C8B: variants seen among roughly 807,000 people sequenced by gnomAD.
C8B encodes complement C8 beta chain, also known as complement component C8 beta chain.
C8B carries 67 observed loss-of-function variants against 64.6 expected under a neutral mutation model. The ratio of observed to expected loss-of-function variants is 1.04; its 90% CI spans 0.85 to 1.27. C8B has a LOEUF of 1.27. C8B is among the 50% of genes most tolerant of loss of function. The pLI is 0.00. For missense variants in C8B, 790 were observed against 725.2 expected (o/e 1.09, Z -1.03); for synonymous variants, 284 against 257.7 (o/e 1.10, Z -0.98).
chr1:56,954,888 G>A, intron 3 of C8B, 61 bp from the exon 4 acceptor site: 1 of 1,603,262 alleles, frequency 6.2e-7, no homozygotes, highest in South Asian at 1.1e-5. Flanking sequence ...AACTAACATA[G>A]TATAAGCACC....
chr1:56,954,601 A>C (rs1645074617), intron 4 of C8B, 85 bp downstream of exon 4: 1 of 1,541,602 alleles, frequency 6.5e-7, no homozygotes, highest in Non-Finnish European at 9.0e-7. Flanking sequence ...ACCTCTGTTT[A>C]TATCAGTTCT....
Position 56,960,720 on chromosome 1 carries a change from A to T in C8B, c.93-544T>A, listed in dbSNP as rs856844. Reference sequence around the variant, plus strand: ...ATGAGATGCTTCTCATGTGGAATGGATAGAAAGTGATGGTGGATGGTGGAG... The same window carrying T: ...ATGAGATGCTTCTCATGTGGAATGGTTAGAAAGTGATGGTGGATGGTGGAG... On this transcript the variant is annotated intron_variant, in intron 1 of 11. Transcript: ENST00000371237. Among the ~76,000 whole-genome samples the T allele has an allele frequency of 7.4e-3, 1,128 of 152,322 alleles. 17 individuals carry two copies. Among genetic ancestry groups the T allele is most frequent in the African/African-American group, 0.026 (1,064 of 41,560 alleles).
intron 6 of C8B, among the ~76,000 whole-genome samples, chr1:56,947,951 CA>C (rs111946651): frequency 0.33 from 29,440 of 90,174 alleles, 3,145 homozygotes; most frequent in Non-Finnish European, 0.36. Context: ...CAAAACAAAA[CA>C]AAACAAACAA....
Position 56,952,037 on chromosome 1 carries a change from C to T in C8B, c.666+11G>A. 6.2e-7 allele frequency: 1 copy of T among 1,613,756 alleles called. No homozygotes were observed. The highest frequency in any genetic ancestry group is 1.1e-5 in the South Asian group (1 of 91,066). ...TGGGGCTCCCTCCACTGCTACCTGG[C>T]TGTCTCTTACCTGTGGCGTGTAGCT... On this transcript the variant is annotated intron_variant, in intron 5 of 11. Coordinates refer to ENST00000371237, the MANE Select transcript of C8B (RefSeq NM_000066.4).
At chr1:56,952,205 G>A (rs758410802) in intron 4 of C8B, 25 bp from the exon 5 acceptor site, 89 of 1,613,534 alleles carry the variant, frequency 5.5e-5, no homozygotes, top group Non-Finnish European at 7.4e-5. Context: ...CAGAGATGGC[G>A]AAGAGGTTAA....
At chr1:56,932,848 G>A (rs147851117) in intron 10 of C8B, among the ~76,000 whole-genome samples, 29 of 152,202 alleles carry the variant, frequency 1.9e-4, no homozygotes, top group Non-Finnish European at 4.0e-4. Flanking sequence ...TTTGTGTGCT[G>A]GGCTGGCCTC....
chr1:56,951,299 TC>T (rs1374074423), intron 5 of C8B, among the ~76,000 whole-genome samples: 2 of 151,926 alleles, frequency 1.3e-5, no homozygotes, highest in African/African-American at 4.8e-5. Context: ...TCTAGTCTCG[TC>T]CCCCAGTTTC....
intron 4 of C8B, 138 bp downstream of exon 4, chr1:56,954,548 G>A (rs1243511809): frequency 8.6e-5 from 101 of 1,177,472 alleles, no homozygotes; most frequent in Non-Finnish European, 1.2e-4. Context: ...GCAACCGGAA[G>A]TGTTACTTAC....
In C8B at chr1:56,949,596, C is replaced by T. The variant is rs756647598; in HGVS notation, c.823G>A (p.Gly275Ser). Reference protein sequence around the residue: ...ELGISSQSDRGKHYIRRTKRF... With the variant: ...ELGISSQSDRSKHYIRRTKRF... ...TTGGTTCTCCTAATATAGTGTTTGC[C>T]TCGATCACTTTGACTACTGATGCCA... The change falls in exon 6 of 12, where the codon GGC (glycine) becomes AGC (serine). Residue 275 changes from glycine (G) to serine (S), a missense_variant. By Grantham distance (56) the Gly-to-Ser change is moderately conservative. Transcript: ENST00000371237. The T allele has an allele frequency of 7.4e-6, 12 of 1,613,926 alleles. No homozygotes were observed. The East Asian group carries it at 2.2e-4, about 30-fold the overall frequency.
chr1:56,939,974 A>T (rs1298099067), intron 9 of C8B, among the ~76,000 whole-genome samples: 2 of 151,886 alleles, frequency 1.3e-5, no homozygotes, highest in African/African-American at 4.8e-5. Flanking sequence ...GGTGCTCAAG[A>T]CATGTTAGTT....
chr1:56,944,647 G>A (rs894428876), intron 7 of C8B, among the ~76,000 whole-genome samples: 12 of 152,240 alleles, frequency 7.9e-5, no homozygotes, highest in Non-Finnish European at 1.3e-4. Context: ...AACTTTGAGA[G>A]TGGAATCTAT....
chr1:56,961,538 T>A (rs2101468419), intron 1 of C8B, among the ~76,000 whole-genome samples: 1 of 152,242 alleles, frequency 6.6e-6, no homozygotes, highest in East Asian at 1.9e-4. Context: ...ACGGGTTTTG[T>A]CCGTTGCCCC....
At position 56,929,552 on chromosome 1, in the gene C8B, G is replaced by T. The variant is rs746509547; in HGVS notation, c.1628C>A (p.Pro543His). 5 of 1,613,644 alleles carry T rather than the reference G, an allele frequency of 3.1e-6. No individual in the cohort carries two copies. In the Admixed American group the frequency reaches 8.3e-5, roughly 27 times the overall value. ...ACEVSYRKNT[P>H]IDGKWNCWSN... ...CCAGCAATTCCACTTCCCATCAATG[G>T]GGGTATCTATAAGAAAGAAGGTCAA... The change falls in exon 12 of 12, where the codon CCC becomes CAC. Residue 543 changes from proline to histidine, a missense_variant. By Grantham distance (77) the Pro-to-His change is moderately conservative. Transcript: ENST00000371237.
In C8B at chr1:56,929,329, G is replaced by T; in HGVS notation, c.*75C>A. On this transcript the variant is annotated 3_prime_UTR_variant, in exon 12 of 12. Coordinates refer to ENST00000371237, the MANE Select transcript of C8B (RefSeq NM_000066.4). ...TTGCATGAACTCCAGGTGGAAACTG[G>T]TGTAGGGCTGAGCTGGCATGAGTTC... The T allele has an allele frequency of 6.6e-7, 1 of 1,512,744 alleles. No homozygotes were observed. The highest frequency in any genetic ancestry group is 9.2e-7 in the Non-Finnish European group (1 of 1,089,484). The allele number at this position is 1,512,744 out of a possible 1,614,324, so 93.7% of individuals were successfully genotyped here.
intron 4 of C8B, among the ~76,000 whole-genome samples, chr1:56,954,201 A>G (rs1432741985): frequency 6.6e-6 from 1 of 152,156 alleles, no homozygotes; most frequent in Non-Finnish European, 1.5e-5. Context: ...ACCAACTCAG[A>G]GATCCCCAAA....
Position 56,929,356 on chromosome 1 carries a change from T to G in C8B, c.*48A>C. The G allele has an allele frequency of 6.2e-7, 1 of 1,606,938 alleles. No homozygotes were observed. Among genetic ancestry groups the G allele is most frequent in the Non-Finnish European group, 8.5e-7 (1 of 1,175,262 alleles). On this transcript the variant is annotated 3_prime_UTR_variant, in exon 12 of 12. Coordinates refer to ENST00000371237, the MANE Select transcript of C8B (RefSeq NM_000066.4). ...GTAGGGCTGAGCTGGCATGAGTTCT[T>G]GAGGGCTCAGGGCTCTCATTGTATG... is the stretch of plus-strand genomic sequence containing the variant.
At chr1:56,960,654 C>A (rs1191362551) in intron 1 of C8B, among the ~76,000 whole-genome samples, 1 of 152,194 alleles carries the variant, frequency 6.6e-6, no homozygotes, top group Non-Finnish European at 1.5e-5. Flanking sequence ...AAGCCTGAAT[C>A]ATGGCAATGG....
At chr1:56,959,799 G>T in intron 2 of C8B, 1 of 735,180 alleles carries the variant, frequency 1.4e-6, no homozygotes, top group South Asian at 1.8e-5. Flanking sequence ...TAGGAAGCTA[G>T]TAGAGTGAGA....
intron 7 of C8B, among the ~76,000 whole-genome samples, chr1:56,945,099 A>C (rs1208561251): frequency 6.6e-6 from 1 of 152,194 alleles, no homozygotes; most frequent in African/African-American, 2.4e-5. Flanking sequence ...GGGTCACTCC[A>C]AAGCTTGTTA....
Sources: gnomAD v4.1 joint callset for allele counts (sites outside exome capture counted in the v4.1 genomes callset) on GRCh38, gnomAD v4.1.1 for gene constraint, MANE v1.5 for transcripts, NCBI Gene and HGNC (gene_info 2026-07-23, HGNC 2026-07-21) for gene names.